CDC5L: variants seen among roughly 807,000 people sequenced by gnomAD.
The protein encoded by CDC5L is cell division cycle 5 like, also known as cell division cycle 5-like protein.
A neutral mutation model predicts 104.1 loss-of-function variants in CDC5L; 18 were observed. The ratio of observed to expected loss-of-function variants is 0.17; its 90% CI spans 0.12 to 0.26. The LOEUF is 0.26. Ranked by LOEUF, CDC5L falls within the 10% of genes least tolerant of loss-of-function variation. CDC5L has a pLI of 1.00. For missense variants in CDC5L, 673 were observed against 956.9 expected (o/e 0.70, Z 3.91); for synonymous variants, 331 against 322.7 (o/e 1.03, Z -0.28).
At chr6:44,442,474 C>A (rs558410938) in intron 14 of CDC5L, among the ~76,000 whole-genome samples, 1 of 151,460 alleles carries the variant, frequency 6.6e-6, no homozygotes, top group East Asian at 1.9e-4. Flanking sequence ...CTGTCTGTTA[C>A]AGACTTTTGC....
intron 2 of CDC5L, among the ~76,000 whole-genome samples, chr6:44,392,003 T>C (rs112258747): frequency 1.9e-4 from 3 of 15,744 alleles, no homozygotes; most frequent in Non-Finnish European, 7.5e-4. Flanking sequence ...AAATTGGCTG[T>C]TAAGAGGAAG....
At chr6:44,393,002 T>G (rs1790687128) in intron 3 of CDC5L, among the ~76,000 whole-genome samples, 174 bp downstream of exon 3, 1 of 152,312 alleles carries the variant, frequency 6.6e-6, no homozygotes, top group Admixed American at 6.5e-5. Context: ...AATTATGCCT[T>G]CTGTCATATA....
chr6:44,390,973 G>A (rs1272966668), intron 2 of CDC5L, among the ~76,000 whole-genome samples: 2 of 114,680 alleles, frequency 1.7e-5, no homozygotes, highest in East Asian at 2.1e-4. Context: ...TATTTAATAT[G>A]TTATATATTA....
chr6:44,390,105 T>C (rs891421743), intron 1 of CDC5L, among the ~76,000 whole-genome samples, 163 bp from the exon 2 acceptor site: 1 of 152,222 alleles, frequency 6.6e-6, no homozygotes, highest in Non-Finnish European at 1.5e-5. Context: ...GTTGCTGTTA[T>C]TATAGTTAAT....
chr6:44,418,922 C>A (rs574645376), intron 8 of CDC5L, among the ~76,000 whole-genome samples: 1 of 146,948 alleles, frequency 6.8e-6, no homozygotes, highest in Non-Finnish European at 1.5e-5. Flanking sequence ...GAGTAGGTTG[C>A]GAAAATTTTC....
chr6:44,432,235 CTTTCA>C (rs780545959), intron 14 of CDC5L, among the ~76,000 whole-genome samples: 42 of 152,218 alleles, frequency 2.8e-4, no homozygotes, highest in African/African-American at 8.9e-4. Context: ...TGTGGTAATT[CTTTCA>C]TTTCAGTTGA....
intron 14 of CDC5L, among the ~76,000 whole-genome samples, chr6:44,435,970 G>A (rs909488976): frequency 1.3e-5 from 2 of 151,808 alleles, no homozygotes; most frequent in East Asian, 2.0e-4. Context: ...TAGTAGAGAC[G>A]GGTTTCACCA....
chr6:44,422,511 C>G, intron 9 of CDC5L, 136 bp from the exon 10 acceptor site: 1 of 624,724 alleles, frequency 1.6e-6, no homozygotes, highest in South Asian at 2.6e-5. Context: ...CTAACAAAAC[C>G]AGCTGGACAG....
chr6:44,431,940 T>G (rs967879061), intron 14 of CDC5L, among the ~76,000 whole-genome samples: 2 of 152,224 alleles, frequency 1.3e-5, no homozygotes, highest in Non-Finnish European at 2.9e-5. Flanking sequence ...CAGTCTGAAG[T>G]CATTTTTCTT....
intron 14 of CDC5L, among the ~76,000 whole-genome samples, chr6:44,433,521 ACTG>A (rs1391819230): frequency 1.3e-5 from 2 of 152,152 alleles, no homozygotes; most frequent in African/African-American, 4.8e-5. Flanking sequence ...TAGTATCTAA[ACTG>A]CTGTGTTGAG....
chr6:44,445,924 C>T, intron 15 of CDC5L, 57 bp downstream of exon 15: 7 of 1,342,360 alleles, frequency 5.2e-6, no homozygotes, highest in Admixed American at 1.7e-5. Context: ...ATTATCAGGG[C>T]TGTCCTCTTT....
intron 13 of CDC5L, among the ~76,000 whole-genome samples, chr6:44,429,015 C>CA (rs1792551932): frequency 1.0e-5 from 1 of 95,596 alleles, no homozygotes; most frequent in Non-Finnish European, 1.9e-5. Flanking sequence ...GTTTCATTAG[C>CA]TTTTTTTTTT....
At position 44,446,791 on chromosome 6, in the gene CDC5L, C is replaced by A; in HGVS notation, c.*80C>A. On this transcript the variant is annotated 3_prime_UTR_variant, in exon 16 of 16. Coordinates refer to ENST00000371477, the MANE Select transcript of CDC5L (RefSeq NM_001253.4). ...GAAGGCTGAAACTGATGTTTATCTT[C>A]ATTGACAAATTTACCCACCATCTGT... 1.4e-6 allele frequency: 1 copy of A among 690,272 alleles called. No homozygotes were observed. Among genetic ancestry groups the A allele is most frequent in the Non-Finnish European group, 2.5e-6 (1 of 406,250 alleles). The allele number at this position is 690,272 out of a possible 1,614,324, so 42.8% of individuals were successfully genotyped here.
chr6:44,413,287 G>A (rs531116369), intron 8 of CDC5L, among the ~76,000 whole-genome samples: 41 of 152,056 alleles, frequency 2.7e-4, no homozygotes, highest in South Asian at 8.3e-4. Flanking sequence ...GCATTATATC[G>A]TCAAGGTTCA....
rs1187760070 is a variant in CDC5L, at chr6:44,408,622, G to T, written c.1082G>T (p.Arg361Ile). The part of the protein sequence containing the change: ...RTPRTPASQD[R>I]ILQEAQNLMA... ...CCACGAACACCAGCTTCCCAGGACAGAATTCTGCAGGTAACGTGTCACGTA... is the reference window on the plus strand; with the variant it reads ...CCACGAACACCAGCTTCCCAGGACATAATTCTGCAGGTAACGTGTCACGTA... The change falls in exon 8 of 16, where the codon AGA becomes ATA. Residue 361 changes from arginine to isoleucine, a missense_variant. Physicochemically the swap from Arg to Ile is moderately conservative, Grantham distance 97 (BLOSUM62 -3). This residue lies in a region of CDC5L where 578 missense variants were observed against 737.0 expected (regional missense o/e 0.78). Coordinates refer to ENST00000371477, the MANE Select transcript of CDC5L (RefSeq NM_001253.4). 5 of 1,595,958 alleles carry T rather than the reference G, an allele frequency of 3.1e-6. No individual in the cohort carries two copies. Among genetic ancestry groups the T allele is most frequent in the Non-Finnish European group, 4.3e-6 (5 of 1,167,264 alleles).
chr6:44,394,515 G>GA (rs1190767256), intron 4 of CDC5L, among the ~76,000 whole-genome samples: 3 of 152,140 alleles, frequency 2.0e-5, no homozygotes, highest in African/African-American at 7.2e-5. Flanking sequence ...TTCCACAATA[G>GA]AAAGTATATG....
intron 14 of CDC5L, among the ~76,000 whole-genome samples, chr6:44,438,669 T>C (rs1793046715): frequency 6.9e-6 from 1 of 144,562 alleles, no homozygotes; most frequent in Non-Finnish European, 1.5e-5. Flanking sequence ...TTTTGTCTTT[T>C]TTTTTTTTTT....
At chr6:44,437,052 T>C (rs1165157677) in intron 14 of CDC5L, among the ~76,000 whole-genome samples, 1 of 152,210 alleles carries the variant, frequency 6.6e-6, no homozygotes, top group East Asian at 1.9e-4. Flanking sequence ...TTTTAAAAAA[T>C]TAATTTAGAA....
At chr6:44,435,694 G>GC (rs892743269) in intron 14 of CDC5L, 1 of 152,838 alleles carries the variant, frequency 6.5e-6, no homozygotes, top group Non-Finnish European at 1.5e-5. Flanking sequence ...AAGCCACAAA[G>GC]CCACTCAGTG....
Sources: gnomAD v4.1 joint callset for allele counts (sites outside exome capture counted in the v4.1 genomes callset) on GRCh38, gnomAD v4.1.1 for gene constraint, gnomAD v4.1.1 regional missense constraint, MANE v1.5 for transcripts, NCBI Gene and HGNC (gene_info 2026-07-23, HGNC 2026-07-21) for gene names.